The following PEX14 variants were observed in gnomAD, a reference collection of about 807,000 sequenced individuals.
PEX14 encodes the protein peroxisomal biogenesis factor 14.
A neutral mutation model predicts 49.5 loss-of-function variants in PEX14; 15 were observed. That is an observed-to-expected ratio of 0.30 (90% CI 0.20 to 0.47). PEX14 has a LOEUF of 0.47. Among genes scored for constraint, PEX14 ranks in the 20% least tolerant of loss-of-function variants. The pLI is 1.00. For synonymous variants in PEX14, 210 were observed against 212.7 expected, an observed-to-expected ratio of 0.99 and a Z score of 0.11; for missense variants, 398 against 494.8, an observed-to-expected ratio of 0.80 and a Z score of 1.86.
intron 2 of PEX14, among the ~76,000 whole-genome samples, chr1:10,499,020 C>G (rs763317788): frequency 7.9e-5 from 12 of 152,196 alleles, no homozygotes; most frequent in Non-Finnish European, 1.8e-4. Flanking sequence ...GGACCAAGTC[C>G]CTGCCTGGTC....
chr1:10,577,581 T>G (rs1296615038), intron 3 of PEX14, among the ~76,000 whole-genome samples: 3 of 16,250 alleles, frequency 1.8e-4, no homozygotes, highest in African/African-American at 7.4e-4. Context: ...TTTTTTTTTT[T>G]TTTTTTTTTT....
intron 3 of PEX14, among the ~76,000 whole-genome samples, chr1:10,551,848 TAC>T (rs1348426560): frequency 6.6e-6 from 1 of 152,074 alleles, no homozygotes; most frequent in African/African-American, 2.4e-5. Flanking sequence ...CATGCCTGTT[TAC>T]AGTCCCAGCA....
intron 3 of PEX14, among the ~76,000 whole-genome samples, chr1:10,579,834 A>G (rs1640259331): frequency 6.6e-6 from 1 of 152,058 alleles, no homozygotes; most frequent in Non-Finnish European, 1.5e-5. Context: ...CTGTCTTATC[A>G]GCAAGGTCTT....
chr1:10,600,481 C>A (rs1195789289), intron 4 of PEX14, among the ~76,000 whole-genome samples: 1 of 151,954 alleles, frequency 6.6e-6, no homozygotes, highest in East Asian at 1.9e-4. Flanking sequence ...CTTTGAGAGG[C>A]CAAGGCAGGC....
chr1:10,505,824 G>T (rs1037452913), intron 2 of PEX14, among the ~76,000 whole-genome samples: 1 of 151,908 alleles, frequency 6.6e-6, no homozygotes, highest in African/African-American at 2.4e-5. Context: ...GGGATCACAG[G>T]TGTGTGCCAC....
intron 3 of PEX14, among the ~76,000 whole-genome samples, chr1:10,548,699 G>A (rs778110293): frequency 6.6e-6 from 1 of 152,144 alleles, no homozygotes; most frequent in African/African-American, 2.4e-5. Context: ...TGCTAGGTTG[G>A]TCATTCCACA....
At chr1:10,517,374 A>T (rs1641988737) in intron 2 of PEX14, among the ~76,000 whole-genome samples, 1 of 152,152 alleles carries the variant, frequency 6.6e-6, no homozygotes, top group Admixed American at 6.5e-5. Context: ...ATAGGCACTG[A>T]TCGGGTCGGT....
intron 3 of PEX14, among the ~76,000 whole-genome samples, chr1:10,582,890 C>T (rs1315691439): frequency 6.6e-6 from 1 of 152,062 alleles, no homozygotes; most frequent in Non-Finnish European, 1.5e-5. Context: ...CCTGCCACCA[C>T]ACCTGGCTAA....
intron 5 of PEX14, among the ~76,000 whole-genome samples, chr1:10,618,639 G>C (rs1641501510): frequency 6.7e-6 from 1 of 150,062 alleles, no homozygotes; most frequent in Non-Finnish European, 1.5e-5. Flanking sequence ...CCAGTGCTCA[G>C]CATATACCAC....
In PEX14 at chr1:10,629,993, C is replaced by T. The variant is rs199687425; in HGVS notation, c.*6C>T. On this transcript the variant is annotated 3_prime_UTR_variant, in exon 9 of 9. Coordinates refer to ENST00000356607, the MANE Select transcript of PEX14 (RefSeq NM_004565.3). The surrounding 1 kb of genome is among the most constrained non-coding windows in gnomAD (Gnocchi z 8.5). ...ACGAGAGTGAGCGGGACTAGGGCTGCGCCTGCTGCCTCCAGCCCTGAGGAT... is the reference window on the plus strand; with the variant it reads ...ACGAGAGTGAGCGGGACTAGGGCTGTGCCTGCTGCCTCCAGCCCTGAGGAT... The T allele has an allele frequency of 1.8e-4, 284 of 1,607,690 alleles. No individual in the cohort carries two copies. Among genetic ancestry groups the T allele is most frequent in the Non-Finnish European group, 2.3e-4 (269 of 1,179,424 alleles).
chr1:10,629,461 A>T lies in PEX14; in HGVS notation c.678-70A>T. The stretch of plus-strand genomic sequence containing the variant: ...ATCGCCGAGCCCTTGCGGGTCAGGG[A>T]AGGCGTGGCCCTTCGAAGGGGGGCG... On this transcript the variant is annotated intron_variant, in intron 8 of 8. Transcript: ENST00000356607. The surrounding 1 kb of genome is among the most constrained non-coding windows in gnomAD (Gnocchi z 8.5). 1 of 1,070,954 alleles carries T rather than the reference A, an allele frequency of 9.3e-7. No homozygotes were observed. Among genetic ancestry groups the T allele is most frequent in the Non-Finnish European group, 1.4e-6 (1 of 698,664 alleles). 66.3% of individuals were successfully genotyped at this position (1,070,954 alleles called of 1,614,324 possible). A position where few individuals can be genotyped will look rare whatever the true frequency, so the allele number is the denominator to read the frequency against.
intron 3 of PEX14, among the ~76,000 whole-genome samples, chr1:10,574,037 G>T (rs552113677): frequency 1.3e-5 from 2 of 152,350 alleles, no homozygotes; most frequent in South Asian, 4.1e-4. Flanking sequence ...GGGAGGTGGA[G>T]GTTGCAGTGA....
chr1:10,521,984 T>G (rs1638312571), intron 2 of PEX14, among the ~76,000 whole-genome samples: 1 of 152,178 alleles, frequency 6.6e-6, no homozygotes, highest in African/African-American at 2.4e-5. Flanking sequence ...GCCCCAGTGA[T>G]CGTAGTGTTG....
At chr1:10,528,432 C>T in intron 2 of PEX14, 1 of 265,244 alleles carries the variant, frequency 3.8e-6, no homozygotes, top group Non-Finnish European at 5.8e-6. Flanking sequence ...GAAATAGAGG[C>T]AGTGTTATCA....
intron 3 of PEX14, among the ~76,000 whole-genome samples, chr1:10,598,974 C>T (rs191614201): frequency 1.2e-3 from 186 of 151,774 alleles, no homozygotes; most frequent in Middle Eastern, 3.4e-3. Context: ...CAGTACCGAG[C>T]GACTTCAAAA....
chr1:10,567,369 C>G (rs1013368264), intron 3 of PEX14, among the ~76,000 whole-genome samples: 35 of 152,184 alleles, frequency 2.3e-4, no homozygotes, highest in African/African-American at 8.2e-4. Flanking sequence ...CAATGTCACA[C>G]TATCTTACAT....
At chr1:10,587,514 A>G (rs181593226) in intron 3 of PEX14, among the ~76,000 whole-genome samples, 1 of 152,308 alleles carries the variant, frequency 6.6e-6, no homozygotes, top group East Asian at 1.9e-4. Flanking sequence ...AAAAAGCTTA[A>G]TAGCATCATG....
chr1:10,612,262 C>T (rs1464581212), intron 4 of PEX14, among the ~76,000 whole-genome samples: 1 of 152,150 alleles, frequency 6.6e-6, no homozygotes. Flanking sequence ...CCCCATAGAG[C>T]TACCTTGGCC....
chr1:10,483,342 G>C (rs1448164818), intron 1 of PEX14, among the ~76,000 whole-genome samples: 1 of 151,918 alleles, frequency 6.6e-6, no homozygotes, highest in African/African-American at 2.4e-5. Context: ...TCTTGAGATG[G>C]AGTCTTGCTC....
Sources: allele counts gnomAD v4.1 joint callset (sites outside exome capture counted in the v4.1 genomes callset), GRCh38; gene constraint gnomAD v4.1.1; non-coding constraint Gnocchi (gnomAD v3.1); transcripts MANE v1.5; gene names NCBI Gene and HGNC (gene_info 2026-07-23, HGNC 2026-07-21).